The following TNKS variants were observed in gnomAD, a reference collection of about 807,000 sequenced individuals.
TNKS encodes poly [ADP-ribose] polymerase tankyrase-1.
A neutral mutation model predicts 135.8 loss-of-function variants in TNKS; 72 were observed. The observed-to-expected ratio is 0.53, with a 90% CI of 0.44 to 0.64. TNKS has a LOEUF of 0.64. Ranked by LOEUF, TNKS falls within the 30% of genes least tolerant of loss-of-function variation. The pLI is 0.00. For synonymous variants in TNKS, 849 were observed against 649.3 expected (o/e 1.31, Z -4.68); for missense variants, 1,769 against 1,674.0 (o/e 1.06, Z -0.99).
intron 1 of TNKS, among the ~76,000 whole-genome samples, chr8:9,561,802 T>C (rs971036913): frequency 6.6e-6 from 1 of 152,126 alleles, no homozygotes; most frequent in Non-Finnish European, 1.5e-5. Flanking sequence ...ATATGTACCA[T>C]TTTACATTCC....
chr8:9,704,635 C>A lies in TNKS; in HGVS notation c.1108-28C>A. On this transcript the variant is annotated intron_variant, in intron 5 of 26. Transcript: ENST00000310430. ...ATTTTCTTTGTTTGTTTGTTTTTAC[C>A]TGAAAAGGGGATGTTTTTCTTTTCT... 2 of 1,564,934 alleles carry A rather than the reference C, an allele frequency of 1.3e-6. No individual in the cohort carries two copies. The highest frequency in any genetic ancestry group is 1.8e-6 in the Non-Finnish European group (2 of 1,141,028).
Position 9,556,135 on chromosome 8 carries a change from C to T in TNKS, c.196C>T (p.Pro66Ser). 1 of 1,606,358 alleles carries T rather than the reference C, an allele frequency of 6.2e-7. No individual in the cohort carries two copies. Among genetic ancestry groups the T allele is most frequent in the Non-Finnish European group, 8.5e-7 (1 of 1,176,432 alleles). The stretch of plus-strand genomic sequence containing the variant: ...CTCCCCGCGGCACGGCCTAGCGCTG[C>T]CGGAGGGGGATGGCAGTCGGGATCC... Reference protein sequence around the residue: ...FASPRHGLALPEGDGSRDPPD... With the variant: ...FASPRHGLALSEGDGSRDPPD... Residue 66 changes from proline (P) to serine (S), a missense_variant, in exon 1 of 27, where the codon CCG becomes TCG. By Grantham distance (74) the Pro-to-Ser change is moderately conservative (BLOSUM62 -1). Transcript: ENST00000310430.
intron 2 of TNKS, among the ~76,000 whole-genome samples, chr8:9,582,815 C>A (rs372291544): frequency 6.6e-6 from 1 of 152,238 alleles, no homozygotes; most frequent in South Asian, 2.1e-4. Flanking sequence ...GAATTATGCT[C>A]CTGTGTGGTA....
intron 1 of TNKS, among the ~76,000 whole-genome samples, chr8:9,566,993 G>C (rs12681719): frequency 0.29 from 43,944 of 152,076 alleles, 6,762 homozygotes; most frequent in East Asian, 0.4. Flanking sequence ...TCTGGTTGTC[G>C]TAAAATCATT....
At chr8:9,711,140 C>T (rs1804310497) in intron 11 of TNKS, among the ~76,000 whole-genome samples, 2 of 152,034 alleles carry the variant, frequency 1.3e-5, no homozygotes, top group Admixed American at 6.6e-5. Flanking sequence ...GGTATAGACT[C>T]CCTATGGAGC....
chr8:9,645,302 A>T (rs73202869), intron 3 of TNKS, among the ~76,000 whole-genome samples: 37 of 152,280 alleles, frequency 2.4e-4, no homozygotes, highest in Non-Finnish European at 4.4e-4. Context: ...TATGAAGAGA[A>T]GCCCATTCAT....
chr8:9,610,227 G>A (rs954846216), intron 2 of TNKS, among the ~76,000 whole-genome samples: 2 of 151,952 alleles, frequency 1.3e-5, no homozygotes, highest in African/African-American at 4.8e-5. Context: ...ACATTAGCTT[G>A]ACTACTTTTA....
At chr8:9,565,908 T>A (rs6982215) in intron 1 of TNKS, among the ~76,000 whole-genome samples, 5 of 152,022 alleles carry the variant, frequency 3.3e-5, no homozygotes, top group Admixed American at 1.3e-4. Flanking sequence ...CCCTGATGCC[T>A]TGTTAAAGTG....
At chr8:9,583,243 A>T (rs1259699876) in intron 2 of TNKS, among the ~76,000 whole-genome samples, 1 of 152,112 alleles carries the variant, frequency 6.6e-6, no homozygotes, top group Non-Finnish European at 1.5e-5. Flanking sequence ...TACCATCAAA[A>T]AGAAGAAAAT....
intron 26 of TNKS, among the ~76,000 whole-genome samples, chr8:9,774,435 A>C (rs1808112430): frequency 6.6e-6 from 1 of 152,208 alleles, no homozygotes; most frequent in African/African-American, 2.4e-5. Context: ...TTAAGAAGAA[A>C]ATTCAGAAAA....
At chr8:9,684,709 A>C (rs1938527902) in intron 5 of TNKS, among the ~76,000 whole-genome samples, 1 of 152,140 alleles carries the variant, frequency 6.6e-6, no homozygotes, top group Admixed American at 6.5e-5. Context: ...TGAGTATTTC[A>C]GGTTTCCCTC....
chr8:9,588,264 C>G (rs982874519), intron 2 of TNKS, among the ~76,000 whole-genome samples: 1 of 151,960 alleles, frequency 6.6e-6, no homozygotes, highest in Non-Finnish European at 1.5e-5. Flanking sequence ...AGACATGTAA[C>G]TTGACAACCA....
At chr8:9,668,435 T>C (rs1038054616) in intron 3 of TNKS, among the ~76,000 whole-genome samples, 1 of 152,196 alleles carries the variant, frequency 6.6e-6, no homozygotes, top group Non-Finnish European at 1.5e-5. Flanking sequence ...TTCCATGAAA[T>C]TACCAGAGGT....
At chr8:9,604,486 C>T (rs545920279) in intron 2 of TNKS, among the ~76,000 whole-genome samples, 2 of 152,014 alleles carry the variant, frequency 1.3e-5, no homozygotes, top group African/African-American at 4.8e-5. Flanking sequence ...AATTAAGTAT[C>T]TGCCTAACAT....
chr8:9,559,840 G>A (rs1248806510), intron 1 of TNKS, among the ~76,000 whole-genome samples: 1 of 152,026 alleles, frequency 6.6e-6, no homozygotes, highest in Non-Finnish European at 1.5e-5. Context: ...ATCCTATCTT[G>A]GATTGTGATA....
At chr8:9,558,560 A>C (rs576547491) in intron 1 of TNKS, 1 of 152,302 alleles carries the variant, frequency 6.6e-6, no homozygotes, top group South Asian at 2.1e-4. Flanking sequence ...CCAATAAATG[A>C]TAGTTATATT....
At chr8:9,614,192 T>C (rs1799557793) in intron 2 of TNKS, among the ~76,000 whole-genome samples, 1 of 152,254 alleles carries the variant, frequency 6.6e-6, no homozygotes, top group Admixed American at 6.5e-5. Context: ...GTACCCATTA[T>C]GATGAAAGAG....
At chr8:9,563,240 C>G (rs749027470) in intron 1 of TNKS, among the ~76,000 whole-genome samples, 2 of 152,116 alleles carry the variant, frequency 1.3e-5, no homozygotes, top group African/African-American at 2.4e-5. Context: ...TATCTGCCCC[C>G]AAACCCCTGA....
intron 2 of TNKS, among the ~76,000 whole-genome samples, chr8:9,582,459 G>C (rs1585194778): frequency 1.3e-5 from 2 of 152,156 alleles, no homozygotes; most frequent in South Asian, 4.1e-4. Flanking sequence ...CTCTATATGT[G>C]GGGTAGAATA....
Sources: gnomAD v4.1 joint callset for allele counts (sites outside exome capture counted in the v4.1 genomes callset) on GRCh38, gnomAD v4.1.1 for gene constraint, MANE v1.5 for transcripts, NCBI Gene and HGNC (gene_info 2026-07-23, HGNC 2026-07-21) for gene names.